SH3GL2: variants seen among roughly 807,000 people sequenced by gnomAD.
The protein encoded by SH3GL2 is SH3 domain containing GRB2 like 2, endophilin A1.
SH3GL2 carries 24 observed loss-of-function variants against 46.0 expected under a neutral mutation model. That is an observed-to-expected ratio of 0.52 (90% CI 0.38 to 0.73). The LOEUF is 0.73. Ranked by LOEUF, SH3GL2 falls within the 30% of genes least tolerant of loss-of-function variation. The pLI, the probability that SH3GL2 is intolerant of heterozygous loss-of-function variation, is 0.00. For missense variants in SH3GL2, 413 were observed against 424.2 expected, an observed-to-expected ratio of 0.97 and a Z score of 0.23; for synonymous variants, 196 against 147.1, an observed-to-expected ratio of 1.33 and a Z score of -2.40.
intron 1 of SH3GL2, among the ~76,000 whole-genome samples, chr9:17,646,437 T>G (rs969953752): frequency 1.1e-4 from 16 of 152,222 alleles, no homozygotes; most frequent in Middle Eastern, 3.4e-3. Context: ...GTTGTGATCC[T>G]TTGGAGGAGA....
At chr9:17,579,402 G>C (rs1055942203) in intron 1 of SH3GL2, 115 bp downstream of exon 1, 9 of 522,882 alleles carry the variant, frequency 1.7e-5, no homozygotes, top group Non-Finnish European at 2.6e-5. Context: ...CCTCGCCCGC[G>C]CCGGCCGCGC....
intron 1 of SH3GL2, among the ~76,000 whole-genome samples, chr9:17,615,740 A>G (rs1367539940): frequency 2.0e-5 from 3 of 152,070 alleles, no homozygotes; most frequent in South Asian, 4.2e-4. Context: ...GTTAAAAAAA[A>G]AAACCCACAC....
At chr9:17,772,738 C>G (rs573768165) in intron 3 of SH3GL2, among the ~76,000 whole-genome samples, 2 of 152,244 alleles carry the variant, frequency 1.3e-5, no homozygotes, top group South Asian at 4.1e-4. Flanking sequence ...TATATAGATT[C>G]ACCTGTTGAT....
chr9:17,612,062 G>A (rs1296494131), intron 1 of SH3GL2, among the ~76,000 whole-genome samples: 1 of 152,194 alleles, frequency 6.6e-6, no homozygotes, highest in Non-Finnish European at 1.5e-5. Flanking sequence ...GGAGGTGCCT[G>A]GGGGAAGGTT....
chr9:17,738,594 A>C (rs1822422350), intron 1 of SH3GL2, among the ~76,000 whole-genome samples: 1 of 140,424 alleles, frequency 7.1e-6, no homozygotes, highest in Admixed American at 7.3e-5. Context: ...AGAGAGAGAG[A>C]ATTTTATTTC....
chr9:17,618,514 G>T (rs2134595924), intron 1 of SH3GL2, among the ~76,000 whole-genome samples: 1 of 152,304 alleles, frequency 6.6e-6, no homozygotes, highest in Middle Eastern at 3.4e-3. Flanking sequence ...GCTGGAAAAT[G>T]TGACGTTTCT....
At chr9:17,679,943 A>T (rs1260241553) in intron 1 of SH3GL2, among the ~76,000 whole-genome samples, 1 of 151,994 alleles carries the variant, frequency 6.6e-6, no homozygotes, top group African/African-American at 2.4e-5. Context: ...ATTGATTTGC[A>T]TATGTTGAAC....
chr9:17,615,914 T>C (rs182025322), intron 1 of SH3GL2, among the ~76,000 whole-genome samples: 284 of 152,308 alleles, frequency 1.9e-3, no homozygotes, highest in Admixed American at 5.0e-3. Context: ...CATTTTACTT[T>C]TTCTACTGCA....
intron 1 of SH3GL2, among the ~76,000 whole-genome samples, chr9:17,705,434 A>G (rs1054279955): frequency 6.6e-6 from 1 of 151,990 alleles, no homozygotes; most frequent in Non-Finnish European, 1.5e-5. Context: ...ATAAAGGCAC[A>G]TGTATGCATA....
chr9:17,745,283 G>T (rs1393442863), intron 1 of SH3GL2, among the ~76,000 whole-genome samples: 1 of 152,154 alleles, frequency 6.6e-6, no homozygotes, highest in Non-Finnish European at 1.5e-5. Flanking sequence ...AAAATTGCCA[G>T]CTTCTTCTTA....
rs73645126 is a variant in SH3GL2, at chr9:17,672,767, C to A, written c.46-74299C>A. On this transcript the variant is annotated intron_variant, in intron 1 of 8. Coordinates refer to ENST00000380607, the MANE Select transcript of SH3GL2 (RefSeq NM_003026.5). ...AGACCTCTCAGATATAAATACATCT[C>A]TTTTTACTTCAGAAGCTTTCCATGG... Among the ~76,000 whole-genome samples the A allele has an allele frequency of 1.5e-3, 231 of 152,264 alleles. 2 individuals are homozygous for A. Among genetic ancestry groups the A allele is most frequent in the African/African-American group, 5.4e-3 (226 of 41,568 alleles).
chr9:17,641,196 A>G (rs977398874), intron 1 of SH3GL2, among the ~76,000 whole-genome samples: 3 of 152,158 alleles, frequency 2.0e-5, no homozygotes, highest in Admixed American at 6.6e-5. Context: ...TTAGGCTTCT[A>G]TCTCCTAGTA....
intron 1 of SH3GL2, among the ~76,000 whole-genome samples, chr9:17,637,935 T>C (rs1819578910): frequency 6.6e-6 from 1 of 152,080 alleles, no homozygotes; most frequent in Non-Finnish European, 1.5e-5. Context: ...GGCGGGCGGA[T>C]CACGAGGTCA....
At position 17,579,104 on chromosome 9, in the gene SH3GL2, G is replaced by T. The variant is rs1345899460; in HGVS notation, c.-139G>T. On this transcript the variant is annotated 5_prime_UTR_variant, in exon 1 of 9. Transcript: ENST00000380607. The stretch of plus-strand genomic sequence containing the variant: ...TCCGCAAGAGCCCGTGTCCCGCTAG[G>T]CTCCGCGCCCTCGCGCCCATAGCCC... The T allele has an allele frequency of 7.7e-6, 4 of 520,190 alleles. No homozygotes were observed. In the East Asian group the frequency reaches 1.5e-4, roughly 19 times the overall value. 32.2% of individuals were successfully genotyped at this position (520,190 alleles called of 1,614,324 possible).
intron 2 of SH3GL2, among the ~76,000 whole-genome samples, chr9:17,760,182 T>TA (rs1318813086): frequency 7.9e-5 from 12 of 152,222 alleles, no homozygotes; most frequent in Non-Finnish European, 1.6e-4. Context: ...AAGATTTATA[T>TA]GTAGACAGGC....
At chr9:17,686,984 C>T (rs1820930635) in intron 1 of SH3GL2, among the ~76,000 whole-genome samples, 1 of 151,274 alleles carries the variant, frequency 6.6e-6, no homozygotes, top group Non-Finnish European at 1.5e-5. Flanking sequence ...GGAATCTTTG[C>T]AAAACAATGG....
intron 1 of SH3GL2, among the ~76,000 whole-genome samples, chr9:17,628,876 T>G (rs1489340915): frequency 6.6e-6 from 1 of 152,210 alleles, no homozygotes; most frequent in Non-Finnish European, 1.5e-5. Context: ...GAAGCTTTAG[T>G]ATTTTTAGAA....
At chr9:17,749,439 T>C (rs1442081407) in intron 2 of SH3GL2, among the ~76,000 whole-genome samples, 2 of 152,164 alleles carry the variant, frequency 1.3e-5, no homozygotes, top group Non-Finnish European at 2.9e-5. Context: ...TGTACTTTGA[T>C]GCTCCTCCTT....
intron 1 of SH3GL2, among the ~76,000 whole-genome samples, chr9:17,740,990 A>G (rs544000438): frequency 8.5e-5 from 13 of 152,172 alleles, no homozygotes; most frequent in African/African-American, 2.4e-4. Context: ...TCTAAATCCA[A>G]TTTTTAAAAA....
Sources: allele counts gnomAD v4.1 joint callset (sites outside exome capture counted in the v4.1 genomes callset), GRCh38; gene constraint gnomAD v4.1.1; transcripts MANE v1.5; gene names NCBI Gene and HGNC (gene_info 2026-07-23, HGNC 2026-07-21).